ROBO1: variants seen among roughly 807,000 people sequenced by gnomAD.
ROBO1 encodes the protein roundabout guidance receptor 1, also known as roundabout homolog 1.
A neutral mutation model predicts 195.9 loss-of-function variants in ROBO1; 149 were observed. The ratio of observed to expected loss-of-function variants is 0.76; its 90% CI spans 0.67 to 0.87. The LOEUF is 0.87. Ranked by LOEUF, ROBO1 falls within the 40% of genes least tolerant of loss-of-function variation. The pLI is 0.00. For synonymous variants in ROBO1, 816 were observed against 733.2 expected, an observed-to-expected ratio of 1.11 and a Z score of -1.82; for missense variants, 1,933 against 2,068.3, an observed-to-expected ratio of 0.93 and a Z score of 1.27.
At chr3:79,073,728 T>C (rs1041031377) in intron 3 of ROBO1, among the ~76,000 whole-genome samples, 1 of 151,844 alleles carries the variant, frequency 6.6e-6, no homozygotes, top group Non-Finnish European at 1.5e-5. Context: ...GTTCGCTTTA[T>C]GCCGTCTAAC....
At chr3:78,622,083 AAAC>A (rs1704492358) in intron 26 of ROBO1, among the ~76,000 whole-genome samples, 1 of 152,178 alleles carries the variant, frequency 6.6e-6, no homozygotes, top group Non-Finnish European at 1.5e-5. Flanking sequence ...TCACTTTTTA[AAAC>A]AACATATTTG....
intron 2 of ROBO1, among the ~76,000 whole-genome samples, chr3:79,524,230 A>G (rs1473681282): frequency 1.3e-5 from 2 of 151,912 alleles, no homozygotes; most frequent in Admixed American, 1.3e-4. Flanking sequence ...AGAAATTTTT[A>G]ATAATATAAA....
rs778040289 is a variant in ROBO1 at position 78,617,658 on chromosome 3, C to T, written c.4259G>A (p.Arg1420Gln). The T allele has an allele frequency of 1.2e-6, 2 of 1,612,536 alleles. No individual in the cohort carries two copies. The highest frequency in any genetic ancestry group is 1.3e-5 in the African/African-American group (1 of 75,036). ...AAEYAGLKVA[R>Q]RQMQDAAGRR... ...ACCAGCAGCATCCTGCATTTGCCGT[C>T]GTGCTACTTTCAGACCAGCATACTC... The change falls in exon 27 of 31, where the codon CGA becomes CAA. Residue 1420 changes from arginine to glutamine, a missense_variant. Arg to Gln is a conservative substitution (Grantham distance 43). Around this residue, in one of 3 missense-constraint regions of ROBO1, gnomAD observed 1,737 missense variants for 1,882.5 expected, o/e 0.92. Coordinates refer to ENST00000464233, the MANE Select transcript of ROBO1 (RefSeq NM_002941.4).
intron 1 of ROBO1, among the ~76,000 whole-genome samples, chr3:79,725,937 T>G (rs946103300): frequency 6.6e-6 from 1 of 151,182 alleles, no homozygotes; most frequent in Non-Finnish European, 1.5e-5. Flanking sequence ...AAAAAAAGTA[T>G]ATCTGGCACT....
At chr3:78,828,415 T>A (rs888899596) in intron 4 of ROBO1, among the ~76,000 whole-genome samples, 4 of 152,178 alleles carry the variant, frequency 2.6e-5, no homozygotes, top group African/African-American at 9.7e-5. Flanking sequence ...GTAGTCTTCA[T>A]TTGAAAATGT....
intron 18 of ROBO1, among the ~76,000 whole-genome samples, chr3:78,654,951 A>G (rs780920751): frequency 6.6e-6 from 1 of 152,188 alleles, no homozygotes; most frequent in Non-Finnish European, 1.5e-5. Context: ...TTGGGCAAAT[A>G]TTTGACTATC....
At chr3:79,414,107 T>C (rs2037895883) in intron 2 of ROBO1, among the ~76,000 whole-genome samples, 1 of 152,090 alleles carries the variant, frequency 6.6e-6, no homozygotes, top group Non-Finnish European at 1.5e-5. Context: ...TCTCAGAGTT[T>C]CCCAGGAGTT....
chr3:79,200,254 C>T (rs1221435086), intron 2 of ROBO1, among the ~76,000 whole-genome samples: 1 of 151,658 alleles, frequency 6.6e-6, no homozygotes, highest in Non-Finnish European at 1.5e-5. Flanking sequence ...AGAAAGGTCA[C>T]TTAAATTCAC....
intron 3 of ROBO1, among the ~76,000 whole-genome samples, chr3:79,102,392 G>A (rs1217695995): frequency 6.6e-6 from 1 of 151,680 alleles, no homozygotes; most frequent in East Asian, 1.9e-4. Flanking sequence ...AAGAAGTTCT[G>A]AGAGTCCAAG....
intron 4 of ROBO1, among the ~76,000 whole-genome samples, chr3:78,923,901 T>C (rs930534317): frequency 6.6e-6 from 1 of 152,116 alleles, no homozygotes; most frequent in Non-Finnish European, 1.5e-5. Flanking sequence ...GTTTTCAAAT[T>C]GGTTAATACT....
rs770700753 is a variant in ROBO1, at chr3:79,502,004, G to T, written c.88+87820C>A. ...GATAGCTCTAACTGTAACATATATC[G>T]GTGTAGAGAAAGCTTAGGCCTTTCC... is the stretch of plus-strand genomic sequence containing the variant. On this transcript the variant is annotated intron_variant, in intron 2 of 30. Transcript: ENST00000464233. 1.2e-4 allele frequency among the ~76,000 whole-genome samples: 18 copies of T among 152,176 alleles called. 1 individual carries two copies. The highest frequency in any genetic ancestry group is 2.1e-4 in the Non-Finnish European group (14 of 68,024).
chr3:79,161,033 T>A (rs944307567), intron 2 of ROBO1, among the ~76,000 whole-genome samples: 2 of 152,032 alleles, frequency 1.3e-5, no homozygotes, highest in African/African-American at 2.4e-5. Flanking sequence ...ACCTCCTCAT[T>A]AGAATGATAA....
chr3:79,693,896 T>A (rs1158537561), intron 1 of ROBO1, among the ~76,000 whole-genome samples: 4 of 151,764 alleles, frequency 2.6e-5, no homozygotes, highest in African/African-American at 9.7e-5. Context: ...TTTAAATAAA[T>A]ATCATGAGAA....
chr3:78,723,403 T>C (rs1052000280), intron 5 of ROBO1, among the ~76,000 whole-genome samples: 16 of 152,124 alleles, frequency 1.1e-4, no homozygotes, highest in South Asian at 4.1e-4. Flanking sequence ...TAACAACACA[T>C]TTGTCAGAAT....
At chr3:79,406,236 G>A (rs2037541354) in intron 2 of ROBO1, among the ~76,000 whole-genome samples, 1 of 143,238 alleles carries the variant, frequency 7.0e-6, no homozygotes, top group South Asian at 2.3e-4. Flanking sequence ...GGAACATAGT[G>A]GAACCCAATC....
chr3:78,881,526 A>G (rs2036179700), intron 4 of ROBO1, among the ~76,000 whole-genome samples: 1 of 152,320 alleles, frequency 6.6e-6, no homozygotes, highest in African/African-American at 2.4e-5. Context: ...TTTGAAGAGT[A>G]TGGTTATTTT....
At chr3:79,315,976 G>GA (rs2033712013) in intron 2 of ROBO1, among the ~76,000 whole-genome samples, 1 of 152,148 alleles carries the variant, frequency 6.6e-6, no homozygotes, top group African/African-American at 2.4e-5. Flanking sequence ...GAGTCAAGTG[G>GA]AAAAAGCTTG....
intron 2 of ROBO1, among the ~76,000 whole-genome samples, chr3:79,560,991 T>G (rs1472223329): frequency 2.0e-5 from 3 of 152,146 alleles, no homozygotes; most frequent in Admixed American, 1.3e-4. Flanking sequence ...CAACCGATAT[T>G]TGACTAATAG....
At chr3:79,103,869 C>A (rs1418251769) in intron 3 of ROBO1, among the ~76,000 whole-genome samples, 1 of 151,618 alleles carries the variant, frequency 6.6e-6, no homozygotes, top group Non-Finnish European at 1.5e-5. Flanking sequence ...GGCATTTGGC[C>A]TCAACTAAAG....
Sources: gnomAD v4.1 joint callset for allele counts (sites outside exome capture counted in the v4.1 genomes callset) on GRCh38, gnomAD v4.1.1 for gene constraint, gnomAD v4.1.1 regional missense constraint, MANE v1.5 for transcripts, NCBI Gene and HGNC (gene_info 2026-07-23, HGNC 2026-07-21) for gene names.